FRMD4B: variants seen among roughly 807,000 people sequenced by gnomAD.
FRMD4B encodes the protein FERM domain-containing protein 4B.
A neutral mutation model predicts 141.5 loss-of-function variants in FRMD4B; 74 were observed. The ratio of observed to expected loss-of-function variants is 0.52; its 90% CI spans 0.43 to 0.63. The LOEUF (loss-of-function observed/expected upper bound fraction) is 0.63, where lower values mean the gene tolerates loss of function less well. FRMD4B is among the 30% of genes least tolerant of loss of function. The pLI, the probability that FRMD4B is intolerant of heterozygous loss-of-function variation, is 0.00. For missense variants in FRMD4B, 1,366 were observed against 1,253.4 expected (o/e 1.09, Z -1.36); for synonymous variants, 506 against 467.9 (o/e 1.08, Z -1.05).
At chr3:69,196,712 C>T in intron 13 of FRMD4B, 188 bp downstream of exon 13, 2 of 593,014 alleles carry the variant, frequency 3.4e-6, no homozygotes, top group Admixed American at 3.4e-5. Flanking sequence ...AGTCTTACAA[C>T]TTTTAAAGCA....
At chr3:69,263,287 A>T (rs184817609) in intron 5 of FRMD4B, among the ~76,000 whole-genome samples, 1 of 152,158 alleles carries the variant, frequency 6.6e-6, no homozygotes, top group East Asian at 1.9e-4. Flanking sequence ...ATAAAAAAGC[A>T]AATGGTAGCA....
chr3:69,366,081 ACACACAC>A lies in FRMD4B; in HGVS notation c.162+19740_162+19746del, dbSNP rs1333908189. On this transcript the variant is annotated intron_variant, in intron 1 of 22. Transcript: ENST00000398540. ...ACAAAACACACACACACACACACAC[ACACACAC>A]ACACACACACACACACACAAAATTA... Among the ~76,000 whole-genome samples, 47 of 150,926 alleles carry A rather than the reference ACACACAC, an allele frequency of 3.1e-4. 1 individual carries two copies. The highest frequency in any genetic ancestry group is 4.4e-5 in the Non-Finnish European group (3 of 67,728).
chr3:69,236,804 G>A (rs1304171220), intron 7 of FRMD4B, among the ~76,000 whole-genome samples: 1 of 152,172 alleles, frequency 6.6e-6, no homozygotes, highest in Non-Finnish European at 1.5e-5. Context: ...GAAGAAACAA[G>A]CTGACACTTT....
intron 2 of FRMD4B, among the ~76,000 whole-genome samples, chr3:69,403,859 T>A (rs1704608466): frequency 6.6e-6 from 1 of 152,180 alleles, no homozygotes; most frequent in African/African-American, 2.4e-5. Flanking sequence ...TTTGCACATT[T>A]TATTCTAACC....
At position 69,302,346 on chromosome 3, in the gene FRMD4B, A is replaced by T; in HGVS notation, c.413T>A (p.Val138Glu). ...AACTGGGTCTGTGGATACATACCTC[A>T]CAGCAAAGTGCAAAATGGTTGGGCC... ...KPGPTILHFA[V>E]RFYIESISFL... Residue 138 changes from valine (V) to glutamate (E), a missense_variant, in exon 4 of 23, where the codon GTG (valine) becomes GAG (glutamate). Transcript: ENST00000398540. 1 of 1,579,280 alleles carries T rather than the reference A, an allele frequency of 6.3e-7. No individual in the cohort carries two copies. The highest frequency in any genetic ancestry group is 8.7e-7 in the Non-Finnish European group (1 of 1,150,410).
intron 4 of FRMD4B, among the ~76,000 whole-genome samples, chr3:69,292,769 G>GACATGAA (rs1018528099): frequency 4.1e-5 from 6 of 147,722 alleles, no homozygotes; most frequent in Non-Finnish European, 7.4e-5. Flanking sequence ...GCTTCTTAAT[G>GACATGAA]ACATGAAATG....
At chr3:69,297,500 C>A (rs1394422482) in intron 4 of FRMD4B, among the ~76,000 whole-genome samples, 8 of 152,032 alleles carry the variant, frequency 5.3e-5, no homozygotes, top group African/African-American at 1.4e-4. Context: ...ACAACAACAA[C>A]AAAAAATAAT....
At chr3:69,542,453 TC>T (rs1313443796) in exon 1 of FRMD4B, 2 of 153,282 alleles carry the variant, frequency 1.3e-5, no homozygotes, top group Non-Finnish European at 2.9e-5. Flanking sequence ...GCCTGCCGCA[TC>T]CCCCGGCCCG....
chr3:69,305,170 C>T (rs1047065970), intron 3 of FRMD4B, among the ~76,000 whole-genome samples: 2 of 152,112 alleles, frequency 1.3e-5, no homozygotes, highest in East Asian at 3.8e-4. Context: ...TAAAAGTACC[C>T]GGGACTTTCA....
At chr3:69,416,740 C>G (rs545315126) in intron 2 of FRMD4B, among the ~76,000 whole-genome samples, 3 of 152,216 alleles carry the variant, frequency 2.0e-5, no homozygotes, top group African/African-American at 7.2e-5. Context: ...TGTGATGTTC[C>G]CTTCCCTGTG....
In FRMD4B at chr3:69,267,428, A is replaced by G. The variant is rs548185635; in HGVS notation, c.502-17329T>C. Among the ~76,000 whole-genome samples the G allele has an allele frequency of 5.9e-5, 9 of 152,034 alleles. 1 individual carries two copies. Among genetic ancestry groups the G allele is most frequent in the Admixed American group, 3.3e-4 (5 of 15,248 alleles). ...AGCTATCAGAGCAATTTGAATAAAGACTGTATATTAAACACAATTTGTGAA... is the reference window on the plus strand; with the variant it reads ...AGCTATCAGAGCAATTTGAATAAAGGCTGTATATTAAACACAATTTGTGAA... On this transcript the variant is annotated intron_variant, in intron 5 of 22. Coordinates refer to ENST00000398540, the MANE Select transcript of FRMD4B (RefSeq NM_015123.3).
chr3:69,322,302 C>A (rs1307802097), intron 1 of FRMD4B, among the ~76,000 whole-genome samples: 2 of 152,130 alleles, frequency 1.3e-5, no homozygotes, highest in Admixed American at 1.3e-4. Flanking sequence ...TGGGTGTTGA[C>A]TGAATATGAG....
At chr3:69,302,195 T>C (rs1701238574) in intron 4 of FRMD4B, 148 bp downstream of exon 4, 1 of 620,716 alleles carries the variant, frequency 1.6e-6, no homozygotes, top group African/African-American at 1.8e-5. Context: ...GAGAATCTCC[T>C]TCACATGATA....
intron 1 of FRMD4B, among the ~76,000 whole-genome samples, chr3:69,537,281 G>A (rs557351186): frequency 6.6e-6 from 1 of 152,086 alleles, no homozygotes; most frequent in Admixed American, 6.5e-5. Context: ...TTTCCCACTG[G>A]AAAACTGTAC....
rs2093141972 is a variant in FRMD4B, at chr3:69,216,431, T to C, written c.790-82A>G. The C allele has an allele frequency of 2.6e-5, 6 of 226,734 alleles. No individual in the cohort carries two copies. The East Asian group carries it at 3.9e-4, about 15-fold the overall frequency. The allele number at this position is 226,734 out of a possible 1,614,324, so 14.0% of individuals were successfully genotyped here. ...AATAAAATTTACCAATTTCACCTCT[T>C]TTTTTTTTTTTTTTTTTTTGAGACG... On this transcript the variant is annotated intron_variant, in intron 10 of 22. Coordinates refer to ENST00000398540, the MANE Select transcript of FRMD4B (RefSeq NM_015123.3).
intron 1 of FRMD4B, among the ~76,000 whole-genome samples, chr3:69,434,799 C>T (rs771268020): frequency 2.6e-5 from 4 of 152,156 alleles, no homozygotes; most frequent in Admixed American, 6.6e-5. Context: ...GTTACAATCA[C>T]GCACTATATT....
intron 1 of FRMD4B, among the ~76,000 whole-genome samples, chr3:69,381,769 T>C (rs1704126267): frequency 6.6e-6 from 1 of 152,224 alleles, no homozygotes; most frequent in Non-Finnish European, 1.5e-5. Context: ...AAATAGCTAA[T>C]ATTTTTATGT....
At chr3:69,523,875 T>C (rs942713077) in intron 1 of FRMD4B, among the ~76,000 whole-genome samples, 7 of 152,106 alleles carry the variant, frequency 4.6e-5, no homozygotes, top group African/African-American at 1.7e-4. Flanking sequence ...TACCTTCACT[T>C]GCCACATTTA....
At chr3:69,340,390 C>T (rs1702698830) in intron 1 of FRMD4B, among the ~76,000 whole-genome samples, 1 of 152,136 alleles carries the variant, frequency 6.6e-6, no homozygotes, top group East Asian at 1.9e-4. Flanking sequence ...TATTTAGCTC[C>T]CACTTACAAG....
Sources: gnomAD v4.1 joint callset for allele counts (sites outside exome capture counted in the v4.1 genomes callset) on GRCh38, gnomAD v4.1.1 for gene constraint, MANE v1.5 for transcripts, NCBI Gene and HGNC (gene_info 2026-07-23, HGNC 2026-07-21) for gene names.